The following AURKA variants were observed in gnomAD, a reference collection of about 807,000 sequenced individuals.
AURKA encodes the protein aurora kinase A, also known as aurora 2.
Under a neutral mutation model 40.9 loss-of-function variants are expected in AURKA, and 12 were observed. The observed-to-expected ratio is 0.29, with a 90% confidence interval of 0.19 to 0.48. The LOEUF (loss-of-function observed/expected upper bound fraction) is 0.48, where lower values mean the gene tolerates loss of function less well. Ranked by LOEUF, AURKA falls within the 20% of genes least tolerant of loss-of-function variation. AURKA has a pLI of 0.99. For missense variants in AURKA, 322 were observed against 462.1 expected, an observed-to-expected ratio of 0.70 and a Z score of 2.78; for synonymous variants, 170 against 164.3, an observed-to-expected ratio of 1.03 and a Z score of -0.26.
chr20:56,391,847 CT>C (rs940889081), intron 1 of AURKA: 13 of 152,418 alleles, frequency 8.5e-5, no homozygotes, highest in African/African-American at 3.1e-4. Flanking sequence ...ACCTTCTGTG[CT>C]TTTCTTACCC....
chr20:56,386,312 G>A lies in AURKA; in HGVS notation c.264C>T (p.Val88=). 1 of 1,614,258 alleles carries A rather than the reference G, an allele frequency of 6.2e-7. No homozygotes were observed. The highest frequency in any genetic ancestry group is 8.5e-7 in the Non-Finnish European group (1 of 1,180,054). ...TTTGGGTGTTATTCAGTGGCCTGGAGACAGGATGAGGTACACTGGTTGCCT... is the reference window on the plus strand; with the variant it reads ...TTTGGGTGTTATTCAGTGGCCTGGAAACAGGATGAGGTACACTGGTTGCCT... ...QLQATSVPHP[V]SRPLNNTQKS... is the part of the protein sequence containing the mutation. The change falls in exon 3 of 9, where the codon GTC becomes GTT. Residue 88 remains valine (V), a synonymous_variant. Coordinates refer to ENST00000395915, the MANE Select transcript of AURKA (RefSeq NM_198437.3).
rs1274503419 is a variant in AURKA at position 56,381,484 on chromosome 20, A to C, written c.654T>G (p.Val218=). ...LILEYAPLGT[V]YRELQKLSKF... is the part of the protein sequence containing the mutation. Reference sequence around the variant, plus strand: ...TTGAAAGTTTCTGAAGTTCTCTATAAACTGTTCCAAGTGGTGCATATTCCA... The same window carrying C: ...TTGAAAGTTTCTGAAGTTCTCTATACACTGTTCCAAGTGGTGCATATTCCA... Residue 218 remains valine, a synonymous_variant, in exon 6 of 9, where the codon GTT becomes GTG. Transcript: ENST00000395915. 1 of 1,613,908 alleles carries C rather than the reference A, an allele frequency of 6.2e-7. No individual in the cohort carries two copies. Among genetic ancestry groups the C allele is most frequent in the South Asian group, 1.1e-5 (1 of 91,068 alleles).
At chr20:56,388,116 G>A (rs1229374077) in intron 2 of AURKA, 40 bp downstream of exon 2, 9 of 1,610,810 alleles carry the variant, frequency 5.6e-6, no homozygotes, top group Non-Finnish European at 7.6e-6. Context: ...CTCCATGTGG[G>A]TTTATAAATG....
intron 1 of AURKA, 62 bp from the exon 2 acceptor site, chr20:56,388,264 C>T (rs6014713): frequency 0.021 from 29,800 of 1,438,316 alleles, 698 homozygotes; most frequent in African/African-American, 0.11. Context: ...TGCTGTTGCT[C>T]GATAGGCAGC....
intron 8 of AURKA, 31 bp from the exon 9 acceptor site, chr20:56,370,371 A>C: frequency 6.2e-7 from 1 of 1,614,098 alleles, no homozygotes; most frequent in Admixed American, 1.7e-5. Flanking sequence ...AAATATCACA[A>C]AACACAGGTT....
At chr20:56,382,260 T>C (rs907309539) in intron 5 of AURKA, among the ~76,000 whole-genome samples, 1 of 151,514 alleles carries the variant, frequency 6.6e-6, no homozygotes, top group African/African-American at 2.4e-5. Context: ...GTAATGGCAG[T>C]AGATGGGTGC....
At chr20:56,389,252 A>G (rs540824621) in intron 1 of AURKA, among the ~76,000 whole-genome samples, 2 of 152,080 alleles carry the variant, frequency 1.3e-5, no homozygotes, top group African/African-American at 4.8e-5. Flanking sequence ...CCAGGGATCC[A>G]TATCACCCAG....
rs543477147 is a variant in AURKA, at chr20:56,369,613, C to T, written c.*545G>A. On this transcript the variant is annotated 3_prime_UTR_variant, in exon 9 of 9. Transcript: ENST00000395915. ...AACCCAATCAGGCCTACCGGGGTGCCGGACAGACACACAGCATTCCTAAAG... is the reference window on the plus strand; with the variant it reads ...AACCCAATCAGGCCTACCGGGGTGCTGGACAGACACACAGCATTCCTAAAG... 9.1e-5 allele frequency: 24 copies of T among 264,754 alleles called. No individual in the cohort carries two copies. The highest frequency in any genetic ancestry group is 2.2e-4 in the South Asian group (2 of 9,260). The allele number at this position is 264,754 out of a possible 1,614,324, so 16.4% of individuals were successfully genotyped here.
Position 56,382,985 on chromosome 20 carries a change from C to A in AURKA, c.566G>T (p.Arg189Leu), listed in dbSNP as rs771707391. ...RREVEIQSHLRHPNILRLYGY... is the reference protein window; with the variant it reads ...RREVEIQSHLLHPNILRLYGY... ...TTTGAACATGAACCTGAAAACTCAC[C>A]GAAGGTGGGACTGTATTTCTACTTC... Residue 189 changes from arginine (R) to leucine (L), a missense_variant and splice_region_variant, in exon 5 of 9, where the codon CGG becomes CTG. Arg to Leu is a moderately radical substitution (Grantham distance 102, BLOSUM62 -2). Coordinates refer to ENST00000395915, the MANE Select transcript of AURKA (RefSeq NM_198437.3). 1.2e-6 allele frequency: 2 copies of A among 1,613,618 alleles called. No homozygotes were observed. Among genetic ancestry groups the A allele is most frequent in the Admixed American group, 3.3e-5 (2 of 60,010 alleles).
intron 1 of AURKA, among the ~76,000 whole-genome samples, chr20:56,389,752 G>C (rs1986822545): frequency 6.6e-6 from 1 of 152,128 alleles, no homozygotes; most frequent in South Asian, 2.1e-4. Flanking sequence ...CTCAGTGCAT[G>C]GCAAACCCAT....
At chr20:56,388,649 T>C (rs916367036) in intron 1 of AURKA, 2 of 190,508 alleles carry the variant, frequency 1.0e-5, no homozygotes. Context: ...CCGTCTCTAC[T>C]AAAAATACAA....
chr20:56,372,458 C>T (rs1984380986), intron 7 of AURKA, among the ~76,000 whole-genome samples: 1 of 149,866 alleles, frequency 6.7e-6, no homozygotes, highest in African/African-American at 2.5e-5. Context: ...TTTAACTCTG[C>T]GATTCCATGA....
rs148391264 is a variant in AURKA, at chr20:56,376,451, T to C, written c.706-2895A>G. ...ATTAAGTCTTTAAAACAGCATGTCA[T>C]TGTTGCAGAGACAAGACCAAAGAGC... On this transcript the variant is annotated intron_variant, in intron 6 of 8. Coordinates refer to ENST00000395915, the MANE Select transcript of AURKA (RefSeq NM_198437.3). 9.9e-4 allele frequency among the ~76,000 whole-genome samples: 150 copies of C among 152,262 alleles called. 2 individuals are homozygous for C. Among genetic ancestry groups the C allele is most frequent in the Non-Finnish European group, 7.4e-5 (5 of 68,010 alleles).
intron 6 of AURKA, among the ~76,000 whole-genome samples, chr20:56,376,432 T>G (rs1252487838): frequency 1.3e-5 from 2 of 152,144 alleles, no homozygotes; most frequent in Non-Finnish European, 2.9e-5. Context: ...TAAGATTAAG[T>G]CTTTAAAACA....
Position 56,369,539 on chromosome 20 carries a change from C to A in AURKA, c.*619G>T. Reference sequence around the variant, plus strand: ...CTAAATGGAGGTAGAGCACGTGTTCCTATTTTTCACACTCTCATATGGGAG... The same window carrying A: ...CTAAATGGAGGTAGAGCACGTGTTCATATTTTTCACACTCTCATATGGGAG... On this transcript the variant is annotated 3_prime_UTR_variant, in exon 9 of 9. Transcript: ENST00000395915. The A allele has an allele frequency of 4.1e-6, 1 of 242,452 alleles. No homozygotes were observed. 15.0% of individuals were successfully genotyped at this position (242,452 alleles called of 1,614,324 possible).
rs1986096817 is a variant in AURKA at position 56,384,316 on chromosome 20, G to C, written c.328C>G (p.Pro110Ala). ...QPLPSAPENN[P>A]EEELASKQKN... ...TGTTTTGATGCCAGTTCCTCCTCAGGATTATTTTCTATATGGAATAAGTTA... is the reference window on the plus strand; with the variant it reads ...TGTTTTGATGCCAGTTCCTCCTCAGCATTATTTTCTATATGGAATAAGTTA... The change falls in exon 4 of 9, where the codon CCT becomes GCT. Residue 110 changes from proline (P) to alanine (A), a missense_variant. Physicochemically the swap from Pro to Ala is conservative, Grantham distance 27 (BLOSUM62 -1). Transcript: ENST00000395915. 1 of 1,598,866 alleles carries C rather than the reference G, an allele frequency of 6.3e-7. No individual in the cohort carries two copies.
intron 6 of AURKA, among the ~76,000 whole-genome samples, chr20:56,377,893 G>C (rs1410086910): frequency 3.3e-5 from 5 of 152,172 alleles, no homozygotes; most frequent in Non-Finnish European, 7.3e-5. Context: ...AAAACAAGAG[G>C]CCAGGTATAG....
In AURKA at chr20:56,370,128, G is replaced by C. The variant is rs1459612530; in HGVS notation, c.*30C>G. 1.2e-6 allele frequency: 2 copies of C among 1,611,478 alleles called. No individual in the cohort carries two copies. Among genetic ancestry groups the C allele is most frequent in the East Asian group, 2.2e-5 (1 of 44,880 alleles). On this transcript the variant is annotated 3_prime_UTR_variant, in exon 9 of 9. Coordinates refer to ENST00000395915, the MANE Select transcript of AURKA (RefSeq NM_198437.3). ...TCCTGTCAGGTTATATGGCAGCCCT[G>C]GCTCAAGGATTTCTCCCCCTGCACG... is the stretch of plus-strand genomic sequence containing the variant.
intron 5 of AURKA, among the ~76,000 whole-genome samples, chr20:56,382,141 G>T (rs770081653): frequency 2.7e-5 from 4 of 150,580 alleles, no homozygotes; most frequent in Admixed American, 6.6e-5. Flanking sequence ...TCCAGTCTGG[G>T]CAACAGAGCG....
Sources: gnomAD v4.1 joint callset for allele counts (sites outside exome capture counted in the v4.1 genomes callset) on GRCh38, gnomAD v4.1.1 for gene constraint, MANE v1.5 for transcripts, NCBI Gene and HGNC (gene_info 2026-07-23, HGNC 2026-07-21) for gene names.